Variants in CYRIB observed in about 807,000 individuals in gnomAD.
CYRIB encodes the protein CYFIP related Rac1 interactor B.
CYRIB carries 8 observed loss-of-function variants against 44.2 expected under a neutral mutation model. The observed-to-expected ratio is 0.18, with a 90% confidence interval of 0.11 to 0.33. The LOEUF (loss-of-function observed/expected upper bound fraction) is 0.33. CYRIB is among the 10% of genes least tolerant of loss of function. CYRIB has a pLI of 1.00. For missense variants in CYRIB, 185 were observed against 382.8 expected (o/e 0.48, Z 4.31); for synonymous variants, 131 against 127.2 (o/e 1.03, Z -0.20).
chr8:129,935,575 G>C (rs568159637), intron 1 of CYRIB, among the ~76,000 whole-genome samples: 62 of 152,332 alleles, frequency 4.1e-4, no homozygotes, highest in African/African-American at 1.4e-3. Flanking sequence ...TTCCAAACAG[G>C]CCACGGCCCA....
intron 2 of CYRIB, among the ~76,000 whole-genome samples, chr8:129,946,945 G>A (rs758195837): frequency 6.6e-6 from 1 of 151,872 alleles, no homozygotes; most frequent in Non-Finnish European, 1.5e-5. Context: ...CCTTCCAAAG[G>A]TGAACCCCCC....
rs1341516748 is a variant in CYRIB, at chr8:129,923,061, T to A, written c.-50+16547A>T. Among the ~76,000 whole-genome samples the A allele has an allele frequency of 2.5e-4, 34 of 137,034 alleles. 1 individual carries two copies. Among genetic ancestry groups the A allele is most frequent in the Admixed American group, 1.9e-3 (25 of 13,482 alleles). The allele number at this position is 137,034 out of a possible 152,430, so 89.9% of individuals were successfully genotyped here. ...CCTGACCATCAGGGGAAACCCCGTC[T>A]CTACTAAAAAAAAAAAAAAAAAGAA... On this transcript the variant is annotated intron_variant, in intron 1 of 11. Transcript: ENST00000519824.
At chr8:129,958,576 C>T (rs2095022719) in intron 2 of CYRIB, among the ~76,000 whole-genome samples, 1 of 152,132 alleles carries the variant, frequency 6.6e-6, no homozygotes, top group Admixed American at 6.5e-5. Context: ...ACTTTAAAAC[C>T]TAATGGCAGC....
chr8:129,931,740 C>T (rs999483372), intron 1 of CYRIB, among the ~76,000 whole-genome samples: 2 of 152,032 alleles, frequency 1.3e-5, no homozygotes, highest in Non-Finnish European at 2.9e-5. Context: ...GATTCTTTTG[C>T]CTCAGCCTCC....
At chr8:129,850,181 T>C (rs1366177836) in intron 9 of CYRIB, 1 of 152,562 alleles carries the variant, frequency 6.6e-6, no homozygotes, top group African/African-American at 2.4e-5. Context: ...GTATAGTGCT[T>C]TGGACCATCA....
chr8:129,990,751 T>C (rs879296034), intron 1 of CYRIB, among the ~76,000 whole-genome samples: 4 of 151,968 alleles, frequency 2.6e-5, no homozygotes, highest in Non-Finnish European at 5.9e-5. Context: ...CTTGAACTCA[T>C]AGCCTCAAGC....
At chr8:129,885,021 A>C (rs1286564216) in intron 2 of CYRIB, among the ~76,000 whole-genome samples, 1 of 152,260 alleles carries the variant, frequency 6.6e-6, no homozygotes, top group Non-Finnish European at 1.5e-5. Flanking sequence ...TTTGAAAAGA[A>C]GTTTCCTTAC....
At chr8:129,926,059 G>C (rs2087530479) in intron 1 of CYRIB, among the ~76,000 whole-genome samples, 1 of 152,140 alleles carries the variant, frequency 6.6e-6, no homozygotes, top group African/African-American at 2.4e-5. Flanking sequence ...ACACCCACAT[G>C]GTGTCCTTAA....
intron 2 of CYRIB, among the ~76,000 whole-genome samples, chr8:129,959,869 A>C (rs1175801475): frequency 6.6e-6 from 1 of 152,212 alleles, no homozygotes; most frequent in African/African-American, 2.4e-5. Context: ...GACAAAGTTC[A>C]GGAAGTTTGT....
chr8:129,878,744 G>T (rs1345871360), intron 3 of CYRIB, among the ~76,000 whole-genome samples: 11 of 152,130 alleles, frequency 7.2e-5, no homozygotes, highest in Admixed American at 6.6e-4. Context: ...ATTACAATAG[G>T]TCATGCAACA....
chr8:129,951,171 G>A (rs2094480864), intron 2 of CYRIB, among the ~76,000 whole-genome samples: 1 of 152,110 alleles, frequency 6.6e-6, no homozygotes, highest in Admixed American at 6.5e-5. Context: ...AGGTGTGGTG[G>A]CGGGAGCCTG....
upstream of CYRIB, chr8:130,016,930 T>TG (rs752291339): frequency 1.4e-4 from 21 of 152,210 alleles, no homozygotes; most frequent in Non-Finnish European, 2.6e-4. Context: ...CCAAGGTCAC[T>TG]GCCTGTCAGG....
intron 2 of CYRIB, among the ~76,000 whole-genome samples, chr8:129,965,248 CTGTGTG>C (rs3077879): frequency 0.02 from 3,007 of 148,756 alleles, 40 homozygotes; most frequent in Non-Finnish European, 0.032. Flanking sequence ...CCCCCAGACA[CTGTGTG>C]TGTGTGTGTG....
At chr8:129,864,780 A>AC in intron 4 of CYRIB, 1 of 425,160 alleles carries the variant, frequency 2.4e-6, no homozygotes, top group Non-Finnish European at 4.6e-6. Flanking sequence ...TGAGCTGGAC[A>AC]CCACTGTGGG....
At chr8:129,933,278 C>CTT (rs1386948252) in intron 1 of CYRIB, among the ~76,000 whole-genome samples, 2 of 152,180 alleles carry the variant, frequency 1.3e-5, no homozygotes, top group Non-Finnish European at 2.9e-5. Context: ...AACTCTTCTG[C>CTT]TTTAATGAGC....
intron 1 of CYRIB, among the ~76,000 whole-genome samples, chr8:129,924,950 A>G (rs1038601054): frequency 6.6e-6 from 1 of 152,280 alleles, no homozygotes; most frequent in Non-Finnish European, 1.5e-5. Flanking sequence ...ATAATCGTCA[A>G]ATTTTTCTCA....
chr8:129,857,055 A>G (rs1326379213), intron 5 of CYRIB, among the ~76,000 whole-genome samples: 1 of 152,210 alleles, frequency 6.6e-6, no homozygotes, highest in Admixed American at 6.5e-5. Context: ...CTATTTCTTC[A>G]CAGACATTAT....
chr8:130,009,483 G>A (rs2097174294), intron 1 of CYRIB, among the ~76,000 whole-genome samples: 1 of 152,078 alleles, frequency 6.6e-6, no homozygotes, highest in South Asian at 2.1e-4. Context: ...GGCCAGGCTG[G>A]TCTTGAACTC....
At chr8:129,958,780 AAG>A (rs1361436012) in intron 2 of CYRIB, among the ~76,000 whole-genome samples, 1 of 151,520 alleles carries the variant, frequency 6.6e-6, no homozygotes, top group Non-Finnish European at 1.5e-5. Flanking sequence ...AAAAAAAAAA[AAG>A]AGGCCGGGAG....
Sources: allele counts gnomAD v4.1 joint callset (sites outside exome capture counted in the v4.1 genomes callset), GRCh38; gene constraint gnomAD v4.1.1; transcripts MANE v1.5; gene names NCBI Gene and HGNC (gene_info 2026-07-23, HGNC 2026-07-21).